The following NNT variants were observed in gnomAD, a reference collection of about 807,000 sequenced individuals.
NNT encodes the protein nicotinamide nucleotide transhydrogenase.
NNT carries 50 observed loss-of-function variants against 104.8 expected under a neutral mutation model. The ratio of observed to expected loss-of-function variants is 0.48; its 90% CI spans 0.38 to 0.60. The LOEUF (loss-of-function observed/expected upper bound fraction) is 0.60. Ranked by LOEUF, NNT falls within the 20% of genes least tolerant of loss-of-function variation. The probability of loss-of-function intolerance (pLI) is 0.00; values close to 1 mark genes in which losing one functional copy is unlikely to be tolerated. For synonymous variants in NNT, 461 were observed against 490.4 expected (o/e 0.94, Z 0.79); for missense variants, 1,131 against 1,330.7 (o/e 0.85, Z 2.33).
At chr5:43,623,207 G>C (rs1200292298) in intron 5 of NNT, among the ~76,000 whole-genome samples, 1 of 152,216 alleles carries the variant, frequency 6.6e-6, no homozygotes, top group Non-Finnish European at 1.5e-5. Context: ...ATGTGGGCAT[G>C]ATGGGTGGGT....
chr5:43,696,866 C>T (rs1207984451), intron 19 of NNT, among the ~76,000 whole-genome samples: 2 of 152,220 alleles, frequency 1.3e-5, no homozygotes. Flanking sequence ...CAAGTCCCTA[C>T]ACTGCACACA....
rs1739614170 is a variant in NNT, at chr5:43,649,133, C to G, written c.1445-14C>G. The G allele has an allele frequency of 6.2e-7, 1 of 1,613,462 alleles. No homozygotes were observed. The stretch of plus-strand genomic sequence containing the variant: ...GATGTCAGCTCAAACACACTCTTTA[C>G]TCTCTTTCTCTAGGTCTCACAGGGA... On this transcript the variant is annotated splice_polypyrimidine_tract_variant and intron_variant, in intron 10 of 21. Transcript: ENST00000344920.
chr5:43,620,510 A>G (rs1169175352), intron 5 of NNT, among the ~76,000 whole-genome samples: 1 of 152,000 alleles, frequency 6.6e-6, no homozygotes, highest in African/African-American at 2.4e-5. Context: ...TTGAGCCACC[A>G]TGCCCGGCTG....
chr5:43,657,261 A>G (rs2111948036), intron 16 of NNT, among the ~76,000 whole-genome samples: 1 of 152,342 alleles, frequency 6.6e-6, no homozygotes, highest in East Asian at 1.9e-4. Flanking sequence ...ATAAAATGAA[A>G]TGCAGTTAAA....
chr5:43,634,205 C>T (rs1025990404), intron 7 of NNT, among the ~76,000 whole-genome samples: 1 of 152,098 alleles, frequency 6.6e-6, no homozygotes. Flanking sequence ...TGTTTTCCTC[C>T]AATATGCAAG....
chr5:43,700,179 GGCTGGTGT>G lies in NNT; in HGVS notation c.2940_2947del (p.Gly981IlefsTer2). 3 of 1,613,882 alleles carry G rather than the reference GGCTGGTGT, an allele frequency of 1.9e-6. No homozygotes were observed. Among genetic ancestry groups the G allele is most frequent in the Non-Finnish European group, 2.5e-6 (3 of 1,179,856 alleles). ...GTCAGCTTAATGTGCTGCTGGCTGA[GGCTGGTGT>G]GCCATATGACATTGTGTTGGAAATG... On this transcript the variant is annotated frameshift_variant, in exon 20 of 22. Coordinates refer to ENST00000344920, the MANE Select transcript of NNT (RefSeq NM_182977.3). LOFTEE classifies it high-confidence loss of function.
chr5:43,675,741 A>C, intron 18 of NNT, 71 bp downstream of exon 18: 1 of 1,145,406 alleles, frequency 8.7e-7, no homozygotes, highest in Non-Finnish European at 1.1e-6. Flanking sequence ...ATTTCTTATA[A>C]TAGGAAAGTA....
chr5:43,654,528 A>G (rs1428222682), intron 14 of NNT, among the ~76,000 whole-genome samples: 1 of 152,228 alleles, frequency 6.6e-6, no homozygotes, highest in African/African-American at 2.4e-5. Context: ...CTTTCGTCTT[A>G]CTTATTAAAG....
intron 7 of NNT, among the ~76,000 whole-genome samples, chr5:43,631,969 GAA>G (rs34558570): frequency 7.0e-4 from 72 of 102,870 alleles, no homozygotes; most frequent in Non-Finnish European, 4.9e-4. Flanking sequence ...TTTCTTTTGG[GAA>G]AAAAAAAAAA....
At chr5:43,703,378 C>A (rs917222654) in intron 21 of NNT, among the ~76,000 whole-genome samples, 1 of 152,050 alleles carries the variant, frequency 6.6e-6, no homozygotes, top group African/African-American at 2.4e-5. Flanking sequence ...CATTTAATTT[C>A]GTTTCTTTTT....
In NNT at chr5:43,651,889, G is replaced by C. The variant is rs1739787727; in HGVS notation, c.1863+5G>C. ...AGTGGTTATAACATTGAACAGGTAA[G>C]ATGCTCTTTGTAAGTTTTTATATTT... is the stretch of plus-strand genomic sequence containing the variant. On this transcript the variant is annotated splice_donor_5th_base_variant and intron_variant, in intron 13 of 21. Transcript: ENST00000344920. 1.2e-6 allele frequency: 2 copies of C among 1,611,576 alleles called. No homozygotes were observed. The highest frequency in any genetic ancestry group is 2.7e-5 in the African/African-American group (2 of 74,798).
intron 17 of NNT, among the ~76,000 whole-genome samples, chr5:43,674,081 G>A (rs988033851): frequency 2.7e-5 from 4 of 150,720 alleles, no homozygotes; most frequent in African/African-American, 7.3e-5. Flanking sequence ...AATAATACAC[G>A]TAAAGACATT....
intron 7 of NNT, among the ~76,000 whole-genome samples, chr5:43,632,668 G>A (rs1750738178): frequency 6.6e-6 from 1 of 152,142 alleles, no homozygotes; most frequent in Non-Finnish European, 1.5e-5. Context: ...TTGTGGTGCT[G>A]TGCACACAAA....
At position 43,609,075 on chromosome 5, in the gene NNT, T is replaced by C. The variant is rs1437459113; in HGVS notation, c.-53-68T>C. The C allele has an allele frequency of 7.1e-6, 5 of 702,616 alleles. No individual in the cohort carries two copies. In the Admixed American group the frequency reaches 1.5e-4, roughly 21 times the overall value. The allele number at this position is 702,616 out of a possible 1,614,324, so 43.5% of individuals were successfully genotyped here. The stretch of plus-strand genomic sequence containing the variant: ...TCTTTAGATTAGTATTTTTAAAATG[T>C]TTTTCATGTTTAAAAGACAAATAGT... On this transcript the variant is annotated intron_variant, in intron 1 of 21. Coordinates refer to ENST00000344920, the MANE Select transcript of NNT (RefSeq NM_182977.3).
At chr5:43,669,465 A>T (rs903632994) in intron 17 of NNT, among the ~76,000 whole-genome samples, 2 of 152,114 alleles carry the variant, frequency 1.3e-5, no homozygotes, top group African/African-American at 4.8e-5. Flanking sequence ...ATCAATACCT[A>T]ATTTATTGAG....
chr5:43,625,663 A>G (rs1221144381), intron 6 of NNT, among the ~76,000 whole-genome samples: 2 of 152,100 alleles, frequency 1.3e-5, no homozygotes, highest in Admixed American at 6.5e-5. Context: ...TGATTTTTGA[A>G]TTCTTTCAAA....
chr5:43,632,398 G>A (rs954185675), intron 7 of NNT, among the ~76,000 whole-genome samples: 3 of 152,220 alleles, frequency 2.0e-5, no homozygotes, highest in African/African-American at 7.2e-5. Flanking sequence ...TAAGTAACTA[G>A]TTTCAGGGAG....
rs573863548 is a variant in NNT at position 43,667,128 on chromosome 5, C to T, written c.2634+7778C>T. 4.0e-6 allele frequency: 6 copies of T among 1,501,992 alleles called. No individual in the cohort carries two copies. In the East Asian group the frequency reaches 1.1e-4, roughly 28 times the overall value. 93.0% of individuals were successfully genotyped at this position (1,501,992 alleles called of 1,614,324 possible). A position where few individuals can be genotyped will look rare whatever the true frequency, so the allele number is the denominator to read the frequency against. ...GCATGTTCCTCAGGAACTTGGGGTC[C>T]ACCCCCTTAAGAGATTCGTATCTTT... is the stretch of plus-strand genomic sequence containing the variant. On this transcript the variant is annotated intron_variant, in intron 17 of 21. Coordinates refer to ENST00000344920, the MANE Select transcript of NNT (RefSeq NM_182977.3).
intron 19 of NNT, among the ~76,000 whole-genome samples, chr5:43,692,338 T>C (rs1742330363): frequency 6.6e-6 from 1 of 152,190 alleles, no homozygotes; most frequent in Non-Finnish European, 1.5e-5. Flanking sequence ...TTTCTTTTTC[T>C]TTTGAGATGG....
Sources: allele counts gnomAD v4.1 joint callset (sites outside exome capture counted in the v4.1 genomes callset), GRCh38; gene constraint gnomAD v4.1.1; transcripts MANE v1.5; gene names NCBI Gene and HGNC (gene_info 2026-07-23, HGNC 2026-07-21).